The following PREX1 variants were observed in gnomAD, a reference collection of about 807,000 sequenced individuals.
PREX1 encodes phosphatidylinositol-3,4,5-trisphosphate dependent Rac exchange factor 1.
A neutral mutation model predicts 198.3 loss-of-function variants in PREX1; 41 were observed. The ratio of observed to expected loss-of-function variants is 0.21; its 90% CI spans 0.16 to 0.27. The LOEUF is 0.27. Ranked by LOEUF, PREX1 falls within the 10% of genes least tolerant of loss-of-function variation. The pLI is 1.00. For synonymous variants in PREX1, 843 were observed against 887.2 expected, an observed-to-expected ratio of 0.95 and a Z score of 0.89; for missense variants, 1,620 against 2,200.7, an observed-to-expected ratio of 0.74 and a Z score of 5.28.
chr20:48,669,867 G>A (rs1402600347), intron 14 of PREX1, among the ~76,000 whole-genome samples: 3 of 152,168 alleles, frequency 2.0e-5, no homozygotes, highest in Admixed American at 6.5e-5. Context: ...GTGGAGAGAC[G>A]GAGTAATGGG....
intron 10 of PREX1, among the ~76,000 whole-genome samples, chr20:48,685,528 G>A (rs773196223): frequency 1.5e-4 from 23 of 152,142 alleles, no homozygotes; most frequent in Non-Finnish European, 3.2e-4. Context: ...ATCGTTCACT[G>A]AGGTTCAGAG....
chr20:48,763,377 C>G (rs532386640), intron 1 of PREX1, among the ~76,000 whole-genome samples: 1 of 152,160 alleles, frequency 6.6e-6, no homozygotes, highest in Non-Finnish European at 1.5e-5. Context: ...CATTTCCCGC[C>G]GGAATGTCCT....
chr20:48,847,382 AAAC>A, the PREX1 span, among the ~76,000 whole-genome samples: 6 of 150,090 alleles, frequency 4.0e-5, no homozygotes, highest in South Asian at 2.1e-4. Flanking sequence ...AAAAAAAAAA[AAAC>A]AAACCCTCCC....
chr20:48,845,809 A>AGGT, the PREX1 span, among the ~76,000 whole-genome samples: 1 of 151,958 alleles, frequency 6.6e-6, no homozygotes, highest in African/African-American at 2.4e-5. Context: ...GAGGCCAGTG[A>AGGT]GGTGGTAATG....
At chr20:48,823,919 A>G (rs1295887316) in intron 1 of PREX1, among the ~76,000 whole-genome samples, 1 of 152,122 alleles carries the variant, frequency 6.6e-6, no homozygotes, top group Non-Finnish European at 1.5e-5. Context: ...CAGTTTCCTC[A>G]CCTCTCAATG....
the PREX1 span, among the ~76,000 whole-genome samples, chr20:48,862,501 C>A: frequency 3.3e-5 from 5 of 152,008 alleles, no homozygotes; most frequent in Admixed American, 3.3e-4. Flanking sequence ...GCAGAACCTG[C>A]ACATTGGTGG....
the PREX1 span, among the ~76,000 whole-genome samples, chr20:48,881,860 T>C: frequency 1.3e-5 from 2 of 152,190 alleles, no homozygotes; most frequent in African/African-American, 4.8e-5. Flanking sequence ...AATTTCGGAA[T>C]GTTTTCATCA....
intron 1 of PREX1, among the ~76,000 whole-genome samples, chr20:48,805,870 A>C (rs1426292690): frequency 6.6e-6 from 1 of 152,140 alleles, no homozygotes; most frequent in East Asian, 1.9e-4. Flanking sequence ...CCAAGCTTCA[A>C]TGTCCCCACC....
At chr20:48,853,171 C>T in the PREX1 span, among the ~76,000 whole-genome samples, 11 of 152,108 alleles carry the variant, frequency 7.2e-5, no homozygotes, top group African/African-American at 1.7e-4. Flanking sequence ...TATAATTATA[C>T]ATAAATAGAA....
At chr20:48,627,717 A>C (rs937823447) in intron 38 of PREX1, 102 bp from the exon 39 acceptor site, 50 of 1,444,922 alleles carry the variant, frequency 3.5e-5, no homozygotes, top group Non-Finnish European at 4.6e-5. Flanking sequence ...AGGACCCAGA[A>C]GCTAAGATCC....
chr20:48,867,432 G>C, the PREX1 span, among the ~76,000 whole-genome samples: 4 of 152,370 alleles, frequency 2.6e-5, no homozygotes, highest in African/African-American at 9.6e-5. Context: ...AAGAGGCACA[G>C]ATCAGCTATT....
rs977066021 is a variant in PREX1, at chr20:48,639,975, A to C, written c.3776-81T>G. 5 of 1,507,858 alleles carry C rather than the reference A, an allele frequency of 3.3e-6. No homozygotes were observed. The African/African-American group carries it at 6.9e-5, about 21-fold the overall frequency. 93.4% of individuals were successfully genotyped at this position (1,507,858 alleles called of 1,614,324 possible). A position where few individuals can be genotyped will look rare whatever the true frequency, so the allele number is the denominator to read the frequency against. On this transcript the variant is annotated intron_variant, in intron 29 of 39. Coordinates refer to ENST00000371941, the MANE Select transcript of PREX1 (RefSeq NM_020820.4). ...ACGGTGGCACAAAGGCCTATGTCCC[A>C]TCACAGATCCCAGAGCTCATAATCC...
At chr20:48,628,971 C>T (rs772836111) in intron 37 of PREX1, among the ~76,000 whole-genome samples, 6 of 152,074 alleles carry the variant, frequency 3.9e-5, no homozygotes, top group Non-Finnish European at 7.4e-5. Context: ...GTGAGGGCTG[C>T]AGAGGAAGAG....
intron 4 of PREX1, among the ~76,000 whole-genome samples, chr20:48,734,266 C>T (rs142672558): frequency 8.7e-4 from 133 of 152,152 alleles, no homozygotes; most frequent in African/African-American, 3.1e-3. Flanking sequence ...TATTGCCACA[C>T]AGCCACACCC....
chr20:48,646,034 G>A lies in PREX1; in HGVS notation c.3329C>T (p.Pro1110Leu). Residue 1110 changes from proline (P) to leucine (L), a missense_variant, in exon 26 of 40, where the codon CCC becomes CTC. By Grantham distance (98) the Pro-to-Leu change is moderately conservative. Around this residue, in one of 7 missense-constraint regions of PREX1, gnomAD observed 514 missense variants for 611.6 expected, o/e 0.84. Transcript: ENST00000371941. ...TGCGTCGCAGGACCCACCCGAGGTGGGCTCTGTGATGGTGGACAGCAGCCT... is the reference window on the plus strand; with the variant it reads ...TGCGTCGCAGGACCCACCCGAGGTGAGCTCTGTGATGGTGGACAGCAGCCT... ...INRLLSTITE[P>L]TSGGSCDASL... The A allele has an allele frequency of 6.2e-7, 1 of 1,613,996 alleles. No homozygotes were observed. The highest frequency in any genetic ancestry group is 8.5e-7 in the Non-Finnish European group (1 of 1,180,028).
chr20:48,643,920 G>A (rs6066800), intron 27 of PREX1, among the ~76,000 whole-genome samples: 39,235 of 152,092 alleles, frequency 0.26, 5,222 homozygotes, highest in South Asian at 0.39. Flanking sequence ...AAAGTGATCC[G>A]CCTGCCTTGG....
rs1298265714 is a variant in PREX1 at position 48,666,914 on chromosome 20, G to A, written c.1666-559C>T. 1.3e-5 allele frequency among the ~76,000 whole-genome samples: 2 copies of A among 152,120 alleles called. No individual in the cohort carries two copies. The highest frequency in any genetic ancestry group is 2.9e-5 in the Non-Finnish European group (2 of 68,022). ...CAAAGAAAAAATGGAGATTTTAAGCGGCAGACAATGTTGGTTGCCTAGCAA... is the reference window on the plus strand; with the variant it reads ...CAAAGAAAAAATGGAGATTTTAAGCAGCAGACAATGTTGGTTGCCTAGCAA... On this transcript the variant is annotated intron_variant, in intron 14 of 39. Transcript: ENST00000371941. The surrounding 1 kb of genome is among the most constrained non-coding windows in gnomAD (Gnocchi z 4.3).
At chr20:48,742,375 G>A (rs978407267) in intron 3 of PREX1, among the ~76,000 whole-genome samples, 6 of 152,204 alleles carry the variant, frequency 3.9e-5, no homozygotes, top group African/African-American at 1.4e-4. Context: ...AACCACCCTA[G>A]AAGGTGAGTT....
chr20:48,751,183 C>T (rs2090132534), intron 1 of PREX1, among the ~76,000 whole-genome samples: 1 of 152,200 alleles, frequency 6.6e-6, no homozygotes, highest in Non-Finnish European at 1.5e-5. Flanking sequence ...TCTGTGGATC[C>T]TGTTTTTGAA....
Sources: allele counts gnomAD v4.1 joint callset (sites outside exome capture counted in the v4.1 genomes callset), GRCh38; gene constraint gnomAD v4.1.1; regional missense constraint gnomAD v4.1.1; non-coding constraint Gnocchi (gnomAD v3.1); transcripts MANE v1.5; gene names NCBI Gene and HGNC (gene_info 2026-07-23, HGNC 2026-07-21).